Variants in LPCAT1 observed in about 807,000 individuals in gnomAD.
LPCAT1 encodes 1-acylglycerol-3-phosphate O-acyltransferase.
In LPCAT1, 23 loss-of-function variants were observed where a neutral mutation model predicts 60.9. The ratio of observed to expected loss-of-function variants is 0.38; its 90% CI spans 0.27 to 0.53. The LOEUF (loss-of-function observed/expected upper bound fraction) is 0.53. Ranked by LOEUF, LPCAT1 falls within the 20% of genes least tolerant of loss-of-function variation. The pLI is 0.82. For missense variants in LPCAT1, 622 were observed against 723.6 expected (o/e 0.86, Z 1.61); for synonymous variants, 340 against 301.1 (o/e 1.13, Z -1.34).
intron 1 of LPCAT1, among the ~76,000 whole-genome samples, chr5:1,514,278 T>C (rs924863275): frequency 7.2e-5 from 11 of 152,198 alleles, no homozygotes; most frequent in Non-Finnish European, 1.5e-4. Context: ...ATCTGCCCAG[T>C]GAGCGATATC....
chr5:1,498,702 T>C (rs1735892960), intron 2 of LPCAT1, among the ~76,000 whole-genome samples: 1 of 152,086 alleles, frequency 6.6e-6, no homozygotes, highest in Admixed American at 6.5e-5. Flanking sequence ...CGTACATGTA[T>C]GTGCACACGA....
rs1366305954 is a variant in LPCAT1 at position 1,495,345 on chromosome 5, T to C, written c.279-431A>G. The stretch of plus-strand genomic sequence containing the variant: ...TATCGCAATATGGGGGGGGGGGCGC[T>C]CAGAGCTGAGGGCGGAAGCTGAGAC... On this transcript the variant is annotated intron_variant, in intron 2 of 13. Transcript: ENST00000283415. This position sits in a 1 kb window ranked among gnomAD's most constrained non-coding sequence, Gnocchi z 4.7. Among the ~76,000 whole-genome samples the C allele has an allele frequency of 6.7e-6, 1 of 149,370 alleles. No individual in the cohort carries two copies. The highest frequency in any genetic ancestry group is 1.5e-5 in the Non-Finnish European group (1 of 67,432).
At chr5:1,515,886 G>A (rs1216669093) in intron 1 of LPCAT1, among the ~76,000 whole-genome samples, 2 of 152,044 alleles carry the variant, frequency 1.3e-5, no homozygotes, top group East Asian at 3.9e-4. Context: ...CTCCACCCAG[G>A]ACATCCTGCT....
At chr5:1,468,761 C>T (rs1389526662) in intron 12 of LPCAT1, among the ~76,000 whole-genome samples, 2 of 152,268 alleles carry the variant, frequency 1.3e-5, no homozygotes, top group African/African-American at 2.4e-5. Context: ...GTCCTGAGCA[C>T]CGGCGTGTGC....
intron 1 of LPCAT1, among the ~76,000 whole-genome samples, chr5:1,519,473 T>G (rs530735798): frequency 1.3e-5 from 2 of 152,186 alleles, no homozygotes; most frequent in Non-Finnish European, 2.9e-5. Context: ...GTTTCACGAG[T>G]GCGTCATTCG....
rs772003391 is a variant in LPCAT1 at position 1,481,308 on chromosome 5, G to T, written c.727-332C>A. Reference sequence around the variant, plus strand: ...CAGAGCCCCTAGAACCTGGGAAAAGGGTCCTCCCTCCCTCCATGCTCTCCG... The same window carrying T: ...CAGAGCCCCTAGAACCTGGGAAAAGTGTCCTCCCTCCCTCCATGCTCTCCG... On this transcript the variant is annotated intron_variant, in intron 6 of 13. Coordinates refer to ENST00000283415, the MANE Select transcript of LPCAT1 (RefSeq NM_024830.5). The surrounding 1 kb of genome is among the most constrained non-coding windows in gnomAD (Gnocchi z 7.8). Among the ~76,000 whole-genome samples the T allele has an allele frequency of 1.3e-5, 2 of 152,166 alleles. No homozygotes were observed. Among genetic ancestry groups the T allele is most frequent in the Non-Finnish European group, 2.9e-5 (2 of 68,028 alleles).
At chr5:1,465,580 C>G (rs1377940569) in intron 13 of LPCAT1, among the ~76,000 whole-genome samples, 1 of 149,366 alleles carries the variant, frequency 6.7e-6, no homozygotes, top group African/African-American at 2.5e-5. Flanking sequence ...CACACAAGTG[C>G]ACGCACACAC....
At chr5:1,498,031 A>C (rs1735857937) in intron 2 of LPCAT1, among the ~76,000 whole-genome samples, 1 of 152,258 alleles carries the variant, frequency 6.6e-6, no homozygotes, top group Non-Finnish European at 1.5e-5. Context: ...AAACTGTGTC[A>C]TTCTTTCACT....
intron 1 of LPCAT1, among the ~76,000 whole-genome samples, chr5:1,508,676 A>G (rs986544921): frequency 6.6e-6 from 1 of 152,238 alleles, no homozygotes; most frequent in African/African-American, 2.4e-5. Context: ...GACACTTGAC[A>G]TATGTTTGAA....
chr5:1,478,082 C>G (rs902488098), intron 8 of LPCAT1, among the ~76,000 whole-genome samples: 4 of 152,272 alleles, frequency 2.6e-5, no homozygotes, highest in African/African-American at 9.6e-5. Flanking sequence ...GGGGATAATG[C>G]AGCACGTTAT....
intron 10 of LPCAT1, 32 bp from the exon 11 acceptor site, chr5:1,474,142 T>C: frequency 3.1e-6 from 5 of 1,597,976 alleles, no homozygotes; most frequent in Non-Finnish European, 4.3e-6. Flanking sequence ...GCTTTCTTTT[T>C]CAATAAAATG....
At chr5:1,500,085 G>C (rs1178128001) in intron 2 of LPCAT1, among the ~76,000 whole-genome samples, 1 of 152,248 alleles carries the variant, frequency 6.6e-6, no homozygotes, top group African/African-American at 2.4e-5. Context: ...ACGCAGGCCA[G>C]CGGGCGTGCC....
intron 7 of LPCAT1, 59 bp from the exon 8 acceptor site, chr5:1,479,734 A>C (rs1360431212): frequency 3.8e-6 from 5 of 1,332,362 alleles, no homozygotes; most frequent in African/African-American, 1.4e-5. Context: ...CAAGTAAATT[A>C]CTCCCAATTC....
chr5:1,479,161 C>T (rs1735032181), intron 8 of LPCAT1, among the ~76,000 whole-genome samples: 1 of 152,192 alleles, frequency 6.6e-6, no homozygotes, highest in African/African-American at 2.4e-5. Context: ...TTTAGGAGGC[C>T]AAGGCGGGAG....
At chr5:1,465,050 C>A (rs1281785748) in intron 13 of LPCAT1, among the ~76,000 whole-genome samples, 1 of 137,522 alleles carries the variant, frequency 7.3e-6, no homozygotes, top group Non-Finnish European at 1.6e-5. Context: ...CACACATGCG[C>A]ACGCACAAGT....
At chr5:1,514,473 A>T (rs1736445453) in intron 1 of LPCAT1, among the ~76,000 whole-genome samples, 1 of 152,214 alleles carries the variant, frequency 6.6e-6, no homozygotes, top group Non-Finnish European at 1.5e-5. Flanking sequence ...GCTGTGTCCC[A>T]GGACACTGGG....
rs988741566 is a variant in LPCAT1 at position 1,477,347 on chromosome 5, G to A, written c.899+57C>T. On this transcript the variant is annotated intron_variant, in intron 9 of 13. Transcript: ENST00000283415. This position sits in a 1 kb window ranked among gnomAD's most constrained non-coding sequence, Gnocchi z 6.0. ...GTTGCCTATTTTAAATATACAGAGA[G>A]CAGCACTCTGGGAGACACCCCTGAC... 8 of 1,390,776 alleles carry A rather than the reference G, an allele frequency of 5.8e-6. No homozygotes were observed. In the African/African-American group the frequency reaches 1.0e-4, roughly 17 times the overall value. 86.2% of individuals were successfully genotyped at this position (1,390,776 alleles called of 1,614,324 possible). A position where few individuals can be genotyped will look rare whatever the true frequency, so the allele number is the denominator to read the frequency against.
chr5:1,466,002 T>C (rs1483217656), intron 13 of LPCAT1, among the ~76,000 whole-genome samples: 1 of 152,156 alleles, frequency 6.6e-6, no homozygotes, highest in Non-Finnish European at 1.5e-5. Flanking sequence ...ACAGACGCTG[T>C]GCACGCAGCT....
chr5:1,465,964 C>T (rs1408679653), intron 13 of LPCAT1, among the ~76,000 whole-genome samples: 1 of 152,260 alleles, frequency 6.6e-6, no homozygotes, highest in Non-Finnish European at 1.5e-5. Flanking sequence ...CCAGTGCGCA[C>T]ATCCGCACTC....
Sources: gnomAD v4.1 joint callset for allele counts (sites outside exome capture counted in the v4.1 genomes callset) on GRCh38, gnomAD v4.1.1 for gene constraint, Gnocchi (gnomAD v3.1) non-coding constraint, MANE v1.5 for transcripts, NCBI Gene and HGNC (gene_info 2026-07-23, HGNC 2026-07-21) for gene names.